The following B3GALT1 variants were observed in gnomAD, a reference collection of about 807,000 sequenced individuals.
B3GALT1 encodes the protein UDP-Gal:betaGlcNAc beta 1,3-galactosyltransferase, polypeptide 1.
In B3GALT1, 10 loss-of-function variants were observed where a neutral mutation model predicts 23.2. That is an observed-to-expected ratio of 0.43 (90% confidence interval 0.27 to 0.73). The LOEUF (loss-of-function observed/expected upper bound fraction) is 0.73. B3GALT1 is among the 30% of genes least tolerant of loss of function. B3GALT1 has a pLI of 0.21. For missense variants in B3GALT1, 299 were observed against 405.4 expected (o/e 0.74, Z 2.25); for synonymous variants, 156 against 141.5 (o/e 1.10, Z -0.73).
intron 1 of B3GALT1, among the ~76,000 whole-genome samples, chr2:167,443,460 T>C (rs1016954131): frequency 6.6e-6 from 1 of 152,220 alleles, no homozygotes; most frequent in Non-Finnish European, 1.5e-5. Flanking sequence ...ATAAATTACC[T>C]TGGGCAGTAT....
At chr2:167,785,287 A>G (rs1688321731) in intron 3 of B3GALT1, among the ~76,000 whole-genome samples, 1 of 152,218 alleles carries the variant, frequency 6.6e-6, no homozygotes, top group Admixed American at 6.5e-5. Context: ...TTGGGATCGT[A>G]GAGGTACAGA....
At chr2:167,723,493 C>T (rs1246688055) in intron 3 of B3GALT1, among the ~76,000 whole-genome samples, 2 of 151,518 alleles carry the variant, frequency 1.3e-5, no homozygotes, top group Non-Finnish European at 2.9e-5. Context: ...TTTATTTGAA[C>T]ATATTACCAT....
intron 3 of B3GALT1, among the ~76,000 whole-genome samples, chr2:167,661,499 T>A (rs1023192238): frequency 2.0e-5 from 3 of 152,070 alleles, no homozygotes; most frequent in Non-Finnish European, 4.4e-5. Context: ...CAAACTTAAC[T>A]TACTGACATT....
At chr2:167,387,773 G>GA (rs553705047) in intron 1 of B3GALT1, among the ~76,000 whole-genome samples, 8 of 150,204 alleles carry the variant, frequency 5.3e-5, no homozygotes, top group African/African-American at 7.3e-5. Context: ...TTTGGAAAAG[G>GA]AAAAAAAAAT....
chr2:167,635,303 C>T (rs1178131805), intron 2 of B3GALT1, among the ~76,000 whole-genome samples: 3 of 152,040 alleles, frequency 2.0e-5, no homozygotes, highest in African/African-American at 7.2e-5. Context: ...ACAACGATGC[C>T]CTCTCTCACT....
chr2:167,654,536 G>A (rs1365254808), intron 3 of B3GALT1, among the ~76,000 whole-genome samples: 1 of 152,040 alleles, frequency 6.6e-6, no homozygotes, highest in Non-Finnish European at 1.5e-5. Context: ...GCCTCACTGT[G>A]CCACTCAGGC....
At chr2:167,616,280 A>G (rs1240619780) in intron 2 of B3GALT1, among the ~76,000 whole-genome samples, 6 of 152,164 alleles carry the variant, frequency 3.9e-5, no homozygotes, top group East Asian at 1.9e-4. Flanking sequence ...CTAGAGGGCA[A>G]TTTTGCAAAC....
intron 1 of B3GALT1, among the ~76,000 whole-genome samples, chr2:167,486,257 G>C (rs1056155262): frequency 5.3e-5 from 8 of 150,688 alleles, no homozygotes; most frequent in Non-Finnish European, 1.0e-4. Flanking sequence ...TACTCAGGAG[G>C]CTGAGGCAGG....
intron 4 of B3GALT1, among the ~76,000 whole-genome samples, chr2:167,836,323 A>C (rs1689470054): frequency 1.3e-5 from 2 of 152,276 alleles, no homozygotes; most frequent in East Asian, 3.9e-4. Flanking sequence ...AATACAGAGA[A>C]GTGCTTAAAG....
intron 2 of B3GALT1, among the ~76,000 whole-genome samples, chr2:167,526,050 A>G (rs1683213911): frequency 6.6e-6 from 1 of 152,100 alleles, no homozygotes; most frequent in Admixed American, 6.6e-5. Context: ...TACACCTGCA[A>G]TCAACCATTT....
intron 4 of B3GALT1, among the ~76,000 whole-genome samples, chr2:167,850,220 A>AAAAGTGGGCTTAGGACATGCATAG (rs1689852515): frequency 6.6e-6 from 1 of 152,244 alleles, no homozygotes; most frequent in African/African-American, 2.4e-5. Context: ...CAATCCCACA[A>AAAAGTGGGCTTAGGACATGCATAG]AAAGTGGGCT....
intron 2 of B3GALT1, among the ~76,000 whole-genome samples, chr2:167,592,486 C>A (rs1684703649): frequency 6.6e-6 from 1 of 152,152 alleles, no homozygotes; most frequent in Non-Finnish European, 1.5e-5. Flanking sequence ...AAATAGCAGA[C>A]CCATCTTGTT....
intron 2 of B3GALT1, among the ~76,000 whole-genome samples, chr2:167,530,311 TTTTG>T (rs1683304074): frequency 6.6e-6 from 1 of 152,200 alleles, no homozygotes; most frequent in Non-Finnish European, 1.5e-5. Context: ...TATTACATAT[TTTTG>T]TTTATCTCTT....
chr2:167,303,381 G>C (rs554851723), intron 1 of B3GALT1, among the ~76,000 whole-genome samples: 1 of 152,058 alleles, frequency 6.6e-6, no homozygotes, highest in Non-Finnish European at 1.5e-5. Flanking sequence ...CAGTTTCGTG[G>C]TGTTTGTAAT....
chr2:167,487,826 C>T (rs1457119270), intron 1 of B3GALT1, among the ~76,000 whole-genome samples: 1 of 152,072 alleles, frequency 6.6e-6, no homozygotes, highest in African/African-American at 2.4e-5. Flanking sequence ...AAATACTGCA[C>T]CTGTCACAAG....
At chr2:167,639,816 C>G (rs1214435691) in intron 2 of B3GALT1, among the ~76,000 whole-genome samples, 1 of 151,992 alleles carries the variant, frequency 6.6e-6, no homozygotes, top group Admixed American at 6.6e-5. Context: ...AGTTGACATC[C>G]AAATCATTGA....
In B3GALT1 at chr2:167,870,367, T is replaced by A; in HGVS notation, c.*347T>A. On this transcript the variant is annotated 3_prime_UTR_variant, in exon 5 of 5. Coordinates refer to ENST00000392690, the MANE Select transcript of B3GALT1 (RefSeq NM_020981.4). ...TCACAGTAATGTGTCATATCATCCCTGCAAAAATTAATACACAAATAGAAA... is the reference window on the plus strand; with the variant it reads ...TCACAGTAATGTGTCATATCATCCCAGCAAAAATTAATACACAAATAGAAA... The A allele has an allele frequency of 9.9e-6, 2 of 201,210 alleles. No homozygotes were observed. The highest frequency in any genetic ancestry group is 2.2e-5 in the Non-Finnish European group (2 of 90,236). The allele number at this position is 201,210 out of a possible 1,614,324, so 12.5% of individuals were successfully genotyped here.
At chr2:167,478,529 G>A (rs1361871587) in intron 1 of B3GALT1, among the ~76,000 whole-genome samples, 4 of 151,028 alleles carry the variant, frequency 2.6e-5, no homozygotes, top group Non-Finnish European at 5.9e-5. Context: ...GCAAATGGCA[G>A]TGTGAAACCA....
intron 2 of B3GALT1, among the ~76,000 whole-genome samples, chr2:167,630,410 A>G (rs1685419476): frequency 6.6e-6 from 1 of 151,830 alleles, no homozygotes; most frequent in Non-Finnish European, 1.5e-5. Flanking sequence ...TTAATTAAAT[A>G]CAAGTTCTAC....
Sources: allele counts gnomAD v4.1 joint callset (sites outside exome capture counted in the v4.1 genomes callset), GRCh38; gene constraint gnomAD v4.1.1; transcripts MANE v1.5; gene names NCBI Gene and HGNC (gene_info 2026-07-23, HGNC 2026-07-21).